Variants in JHY observed in about 807,000 individuals in gnomAD.
JHY encodes jhy protein homolog.
A neutral mutation model predicts 78.0 loss-of-function variants in JHY; 69 were observed. The observed-to-expected ratio is 0.88, with a 90% confidence interval of 0.73 to 1.08. The LOEUF is 1.08. Among genes scored for constraint, JHY ranks in the 50% least tolerant of loss-of-function variants. The pLI is 0.00. For synonymous variants in JHY, 368 were observed against 342.6 expected (o/e 1.07, Z -0.82); for missense variants, 944 against 927.8 (o/e 1.02, Z -0.23).
At position 122,934,845 on chromosome 11, in the gene JHY, A is replaced by C. The variant is rs1351020472; in HGVS notation, c.1404A>C (p.Lys468Asn). ...GTGACTCTGGGCTGAATGTTAATAA[A>C]GAAAGAGGACACAAAGACCAAGAAG... ...TGCDSGLNVN[K>N]ERGHKDQEEK... The change falls in exon 5 of 9, where the codon AAA becomes AAC. Residue 468 changes from lysine (K) to asparagine (N), a missense_variant. By Grantham distance (94) the Lys-to-Asn change is moderately conservative (BLOSUM62 0). Coordinates refer to ENST00000227349, the MANE Select transcript of JHY (RefSeq NM_024806.4). The C allele has an allele frequency of 1.2e-6, 2 of 1,613,928 alleles. No individual in the cohort carries two copies. Among genetic ancestry groups the C allele is most frequent in the Non-Finnish European group, 1.7e-6 (2 of 1,180,020 alleles).
chr11:122,939,931 TG>T (rs1388812529), intron 5 of JHY, among the ~76,000 whole-genome samples: 1 of 150,694 alleles, frequency 6.6e-6, no homozygotes, highest in African/African-American at 2.5e-5. Flanking sequence ...ATTTTTAAAT[TG>T]TATTACTTGT....
At chr11:122,924,242 A>C (rs1287815022) in intron 3 of JHY, among the ~76,000 whole-genome samples, 1 of 152,106 alleles carries the variant, frequency 6.6e-6, no homozygotes, top group African/African-American at 2.4e-5. Context: ...CAAAACTACT[A>C]ATTGTGCAGG....
At chr11:122,955,855 T>C (rs540726591) in intron 6 of JHY, among the ~76,000 whole-genome samples, 40 of 152,336 alleles carry the variant, frequency 2.6e-4, no homozygotes, top group Middle Eastern at 3.4e-3. Flanking sequence ...TGTGACATCA[T>C]TGGACAGGGT....
intron 4 of JHY, among the ~76,000 whole-genome samples, chr11:122,933,998 A>G (rs1180476834): frequency 6.6e-6 from 1 of 152,198 alleles, no homozygotes; most frequent in Non-Finnish European, 1.5e-5. Flanking sequence ...TTTGAAGCCA[A>G]AGACTTGTCC....
rs1294722863 is a variant in JHY at position 122,924,897 on chromosome 11, A to G, written c.865A>G (p.Ile289Val). 1.2e-6 allele frequency: 2 copies of G among 1,610,844 alleles called. No homozygotes were observed. The highest frequency in any genetic ancestry group is 1.7e-6 in the Non-Finnish European group (2 of 1,177,224). The change falls in exon 4 of 9, where the codon ATC (isoleucine) becomes GTC (valine). Residue 289 changes from isoleucine (I) to valine (V), a missense_variant and splice_region_variant. Transcript: ENST00000227349. ...TGCTGTATGTGTTTTACCTACCTAG[A>G]TCTCCTACCCCGTCAGAGTAACAGA... ...KKRGESHPEQ[I>V]SYPVRVTDKT...
At position 122,917,137 on chromosome 11, in the gene JHY, G is replaced by A. The variant is rs1863249393; in HGVS notation, c.865-7760G>A. 6.6e-6 allele frequency among the ~76,000 whole-genome samples: 1 copy of A among 152,090 alleles called. No individual in the cohort carries two copies. Among genetic ancestry groups the A allele is most frequent in the Non-Finnish European group, 1.5e-5 (1 of 68,024 alleles). On this transcript the variant is annotated intron_variant, in intron 3 of 8. Transcript: ENST00000227349. This position sits in a 1 kb window ranked among gnomAD's most constrained non-coding sequence, Gnocchi z 4.1. ...CTAATTTTAACAACAGGTACAATAG[G>A]AATAAACAGGTTTGGGAACAAATGG... is the stretch of plus-strand genomic sequence containing the variant.
intron 5 of JHY, among the ~76,000 whole-genome samples, chr11:122,936,751 G>A (rs1311858928): frequency 6.6e-6 from 1 of 152,130 alleles, no homozygotes; most frequent in Admixed American, 6.5e-5. Context: ...TTGATTTGAT[G>A]TGTTAACACT....
At chr11:122,941,572 G>A (rs940654240) in intron 5 of JHY, among the ~76,000 whole-genome samples, 2 of 151,914 alleles carry the variant, frequency 1.3e-5, no homozygotes, top group African/African-American at 4.8e-5. Context: ...TTCTTCTAAG[G>A]GTGTACAACC....
intron 3 of JHY, among the ~76,000 whole-genome samples, chr11:122,922,149 C>T (rs1014952928): frequency 6.6e-6 from 1 of 152,180 alleles, no homozygotes; most frequent in Non-Finnish European, 1.5e-5. Flanking sequence ...CATGATCAAA[C>T]AGTCCATTTT....
chr11:122,946,840 A>G lies in JHY; in HGVS notation c.1929+48A>G, dbSNP rs1038552218. On this transcript the variant is annotated intron_variant, in intron 6 of 8. Transcript: ENST00000227349. ...CAAGTAACTCTTCCATTTTGAGAAT[A>G]CAGATGGACCTTGATGTAATTATAG... 5 of 1,551,704 alleles carry G rather than the reference A, an allele frequency of 3.2e-6. No homozygotes were observed. In the African/African-American group the frequency reaches 4.1e-5, roughly 13 times the overall value.
intron 4 of JHY, among the ~76,000 whole-genome samples, chr11:122,933,064 C>G (rs188157424): frequency 2.0e-3 from 300 of 152,196 alleles, no homozygotes; most frequent in African/African-American, 6.8e-3. Context: ...ATTTAATAAT[C>G]TCAACATTAT....
intron 8 of JHY, chr11:122,958,714 A>G: frequency 1.0e-6 from 1 of 984,156 alleles, no homozygotes; most frequent in African/African-American, 1.7e-5. Context: ...ACTGAGAAAA[A>G]GACTGCCTTT....
intron 4 of JHY, among the ~76,000 whole-genome samples, chr11:122,932,211 C>T (rs1291932886): frequency 6.6e-6 from 1 of 152,150 alleles, no homozygotes; most frequent in Admixed American, 6.5e-5. Context: ...AACCACAGAT[C>T]TCAAGTAGGC....
intron 3 of JHY, among the ~76,000 whole-genome samples, chr11:122,907,162 T>A (rs1863009655): frequency 6.6e-6 from 1 of 152,128 alleles, no homozygotes; most frequent in Non-Finnish European, 1.5e-5. Flanking sequence ...TCCTATTACT[T>A]TAAAAAGAAT....
intron 2 of JHY, among the ~76,000 whole-genome samples, chr11:122,890,505 A>G (rs1054821212): frequency 1.3e-5 from 2 of 152,158 alleles, no homozygotes; most frequent in African/African-American, 2.4e-5. Context: ...GAAAGGAAAC[A>G]TCTGTTGCAA....
At chr11:122,911,504 A>G (rs761336100) in intron 3 of JHY, among the ~76,000 whole-genome samples, 4 of 152,246 alleles carry the variant, frequency 2.6e-5, no homozygotes, top group South Asian at 2.1e-4. Context: ...CAGAGCACCT[A>G]TCTTGAAGGA....
chr11:122,930,321 C>G (rs1374552466), intron 4 of JHY, among the ~76,000 whole-genome samples: 1 of 152,098 alleles, frequency 6.6e-6, no homozygotes, highest in East Asian at 1.9e-4. Context: ...CTCAAGTGAT[C>G]CACCCGCCTC....
chr11:122,940,157 G>A (rs1863843899), intron 5 of JHY, among the ~76,000 whole-genome samples: 1 of 152,020 alleles, frequency 6.6e-6, no homozygotes, highest in Non-Finnish European at 1.5e-5. Flanking sequence ...GGCCAACATG[G>A]TGAAACTCCC....
chr11:122,953,036 G>A (rs1864122568), intron 6 of JHY, among the ~76,000 whole-genome samples: 1 of 152,144 alleles, frequency 6.6e-6, no homozygotes, highest in Admixed American at 6.5e-5. Flanking sequence ...GCAATCTTGT[G>A]GCTCCATTGT....
Sources: gnomAD v4.1 joint callset for allele counts (sites outside exome capture counted in the v4.1 genomes callset) on GRCh38, gnomAD v4.1.1 for gene constraint, Gnocchi (gnomAD v3.1) non-coding constraint, MANE v1.5 for transcripts, NCBI Gene and HGNC (gene_info 2026-07-23, HGNC 2026-07-21) for gene names.